PDE1C: variants seen among roughly 807,000 people sequenced by gnomAD.
PDE1C encodes dual specificity calcium/calmodulin-dependent 3',5'-cyclic nucleotide phosphodiesterase 1C.
A neutral mutation model predicts 93.1 loss-of-function variants in PDE1C; 62 were observed. The observed-to-expected ratio is 0.67, with a 90% CI of 0.54 to 0.82. The LOEUF (loss-of-function observed/expected upper bound fraction) is 0.82. Ranked by LOEUF, PDE1C falls within the 40% of genes least tolerant of loss-of-function variation. The probability of loss-of-function intolerance (pLI) is 0.00; values close to 1 mark genes in which losing one functional copy is unlikely to be tolerated. For missense variants in PDE1C, 742 were observed against 884.6 expected (o/e 0.84, Z 2.04); for synonymous variants, 325 against 310.1 (o/e 1.05, Z -0.50).
At chr7:31,742,215 C>T in the PDE1C span, among the ~76,000 whole-genome samples, 4 of 152,318 alleles carry the variant, frequency 2.6e-5, no homozygotes, top group South Asian at 2.1e-4. Context: ...AACGTCCCAT[C>T]GGACTTCCAC....
chr7:32,341,693 A>T (rs1364560603), intron 1 of PDE1C, among the ~76,000 whole-genome samples: 1 of 152,106 alleles, frequency 6.6e-6, no homozygotes, highest in East Asian at 1.9e-4. Context: ...CATGCCCAGT[A>T]CTTTTTCCAT....
intron 15 of PDE1C, among the ~76,000 whole-genome samples, chr7:31,814,551 T>C (rs1265533270): frequency 2.6e-5 from 4 of 151,808 alleles, no homozygotes; most frequent in Non-Finnish European, 5.9e-5. Context: ...ATAAAAATAA[T>C]TGGAGAACAT....
intron 2 of PDE1C, among the ~76,000 whole-genome samples, chr7:31,939,154 C>T (rs1055691179): frequency 6.6e-6 from 1 of 152,090 alleles, no homozygotes; most frequent in Non-Finnish European, 1.5e-5. Context: ...TTTTTCAAGT[C>T]AGTTGCTATG....
chr7:31,943,887 T>C (rs750961354), intron 2 of PDE1C, among the ~76,000 whole-genome samples: 4 of 152,150 alleles, frequency 2.6e-5, no homozygotes, highest in Non-Finnish European at 5.9e-5. Flanking sequence ...TTCTTAAACA[T>C]ATTAATAGCT....
At chr7:32,355,205 C>T (rs1011861923) in intron 1 of PDE1C, among the ~76,000 whole-genome samples, 1 of 152,208 alleles carries the variant, frequency 6.6e-6, no homozygotes, top group Non-Finnish European at 1.5e-5. Context: ...AAGTCAATCT[C>T]CGCGAACATG....
the PDE1C span, among the ~76,000 whole-genome samples, chr7:31,618,592 GAAAGGCCAA>G: frequency 3.9e-5 from 6 of 152,192 alleles, no homozygotes; most frequent in African/African-American, 1.4e-4. Flanking sequence ...AGGGAGTCCA[GAAAGGCCAA>G]AAAGCAAATT....
intron 9 of PDE1C, among the ~76,000 whole-genome samples, chr7:31,846,468 C>G (rs1737341773): frequency 6.6e-6 from 1 of 152,036 alleles, no homozygotes; most frequent in East Asian, 1.9e-4. Flanking sequence ...ATACCTTATA[C>G]AAAAATTAAC....
At chr7:31,658,171 T>A in the PDE1C span, 1 of 1,048,926 alleles carries the variant, frequency 9.5e-7, no homozygotes, top group East Asian at 2.7e-5. Context: ...ATAGGCCATG[T>A]AGATTTGTGT....
chr7:32,305,587 C>A (rs1321224912), intron 1 of PDE1C, among the ~76,000 whole-genome samples: 1 of 152,176 alleles, frequency 6.6e-6, no homozygotes, highest in Non-Finnish European at 1.5e-5. Flanking sequence ...CAGAGTTTCC[C>A]TTGGGGTGTT....
chr7:32,054,274 G>A (rs1414379912), intron 1 of PDE1C, among the ~76,000 whole-genome samples: 3 of 152,150 alleles, frequency 2.0e-5, no homozygotes, highest in Non-Finnish European at 2.9e-5. Context: ...CAGGGCTCTG[G>A]AGTGTGATAG....
intron 2 of PDE1C, among the ~76,000 whole-genome samples, chr7:31,990,411 G>A (rs1584353750): frequency 6.6e-6 from 1 of 152,178 alleles, no homozygotes; most frequent in Non-Finnish European, 1.5e-5. Context: ...CAGCCATGTG[G>A]AACTGTGAGT....
chr7:32,077,272 T>C (rs2128733184), intron 3 of PDE1C, among the ~76,000 whole-genome samples: 1 of 152,252 alleles, frequency 6.6e-6, no homozygotes, highest in Non-Finnish European at 1.5e-5. Context: ...AAATCACGTA[T>C]GGCCAGTGCC....
chr7:32,168,597 A>G (rs1199682229), intron 3 of PDE1C, among the ~76,000 whole-genome samples: 2 of 152,218 alleles, frequency 1.3e-5, no homozygotes, highest in Non-Finnish European at 2.9e-5. Context: ...TGAGAATTGC[A>G]GGTTCATAAG....
chr7:32,292,937 G>A (rs1023934179), intron 1 of PDE1C, among the ~76,000 whole-genome samples: 1 of 152,186 alleles, frequency 6.6e-6, no homozygotes, highest in Non-Finnish European at 1.5e-5. Flanking sequence ...AGTGTGCCCA[G>A]TACCCACTTG....
intron 1 of PDE1C, among the ~76,000 whole-genome samples, chr7:32,253,747 G>C (rs776277355): frequency 9.2e-5 from 14 of 152,156 alleles, no homozygotes; most frequent in Non-Finnish European, 1.8e-4. Flanking sequence ...AATAAAGGGC[G>C]CTGCTGCACA....
At chr7:32,057,091 G>C (rs1314597052) in intron 1 of PDE1C, among the ~76,000 whole-genome samples, 1 of 152,170 alleles carries the variant, frequency 6.6e-6, no homozygotes, top group Non-Finnish European at 1.5e-5. Context: ...AAACTGGATA[G>C]TTATGAACTG....
intron 2 of PDE1C, among the ~76,000 whole-genome samples, chr7:32,191,404 A>AC (rs758677423): frequency 2.5e-4 from 38 of 150,892 alleles, no homozygotes; most frequent in Non-Finnish European, 1.9e-4. Context: ...CCCTCTTTTA[A>AC]CCCCCAACAG....
upstream of PDE1C, among the ~76,000 whole-genome samples, chr7:32,299,742 A>G (rs1812836583): frequency 6.6e-6 from 1 of 152,202 alleles, no homozygotes; most frequent in Non-Finnish European, 1.5e-5. Context: ...GCCTGAAATG[A>G]CCGAGTTAGG....
At chr7:31,975,691 G>A (rs1037113970) in intron 2 of PDE1C, among the ~76,000 whole-genome samples, 2 of 152,146 alleles carry the variant, frequency 1.3e-5, no homozygotes, top group East Asian at 1.9e-4. Flanking sequence ...CCCCAACAGT[G>A]AGCACATAAT....
Sources: allele counts gnomAD v4.1 joint callset (sites outside exome capture counted in the v4.1 genomes callset), GRCh38; gene constraint gnomAD v4.1.1; transcripts MANE v1.5; gene names NCBI Gene and HGNC (gene_info 2026-07-23, HGNC 2026-07-21).